Variants in CNTNAP5 observed in about 807,000 individuals in gnomAD.
CNTNAP5 encodes the protein contactin-associated protein-like 5.
CNTNAP5 carries 72 observed loss-of-function variants against 150.2 expected under a neutral mutation model. That is an observed-to-expected ratio of 0.48 (90% CI 0.40 to 0.58). The LOEUF (loss-of-function observed/expected upper bound fraction) is 0.58. Ranked by LOEUF, CNTNAP5 falls within the 20% of genes least tolerant of loss-of-function variation. The pLI, the probability that CNTNAP5 is intolerant of heterozygous loss-of-function variation, is 0.00. For missense variants in CNTNAP5, 1,636 were observed against 1,626.2 expected, an observed-to-expected ratio of 1.01 and a Z score of -0.10; for synonymous variants, 672 against 619.8, an observed-to-expected ratio of 1.08 and a Z score of -1.25.
intron 1 of CNTNAP5, among the ~76,000 whole-genome samples, chr2:124,108,433 T>C (rs1683216022): frequency 6.6e-6 from 1 of 152,196 alleles, no homozygotes; most frequent in Non-Finnish European, 1.5e-5. Flanking sequence ...GGACCATCAA[T>C]AGAAGACGAG....
chr2:124,462,392 G>C (rs978429635), intron 6 of CNTNAP5, among the ~76,000 whole-genome samples: 3 of 152,084 alleles, frequency 2.0e-5, no homozygotes, highest in Non-Finnish European at 4.4e-5. Context: ...ATTTCTTCAA[G>C]TTTTATGTGA....
At chr2:124,620,522 G>A (rs905973386) in intron 12 of CNTNAP5, among the ~76,000 whole-genome samples, 1 of 152,088 alleles carries the variant, frequency 6.6e-6, no homozygotes, top group Admixed American at 6.6e-5. Context: ...ATGATTTGGA[G>A]TCACACTGGA....
rs575941942 is a variant in CNTNAP5, at chr2:124,764,226, T to A, written c.2533+79T>A. On this transcript the variant is annotated intron_variant, in intron 16 of 23. Coordinates refer to ENST00000682447, the MANE Select transcript of CNTNAP5 (RefSeq NM_001367498.1). ...TCTTGTTTTTGCCACCAGTCACTAGTGGGCATTTGTACCAGCAAATTAATC... is the reference window on the plus strand; with the variant it reads ...TCTTGTTTTTGCCACCAGTCACTAGAGGGCATTTGTACCAGCAAATTAATC... 2.7e-6 allele frequency: 3 copies of A among 1,106,616 alleles called. No homozygotes were observed. In the East Asian group the frequency reaches 7.1e-5, roughly 26 times the overall value. 68.5% of individuals were successfully genotyped at this position (1,106,616 alleles called of 1,614,324 possible).
intron 11 of CNTNAP5, among the ~76,000 whole-genome samples, chr2:124,593,149 T>C (rs1696739215): frequency 6.7e-6 from 1 of 149,358 alleles, no homozygotes; most frequent in African/African-American, 2.4e-5. Context: ...ATTTTTTTAA[T>C]TATACTTTAA....
At chr2:124,411,224 T>G (rs1461967784) in intron 3 of CNTNAP5, among the ~76,000 whole-genome samples, 5 of 152,122 alleles carry the variant, frequency 3.3e-5, no homozygotes, top group Admixed American at 3.3e-4. Flanking sequence ...GCTGAAATTG[T>G]GGCAATAATC....
chr2:124,697,688 A>G (rs1993273), intron 13 of CNTNAP5, among the ~76,000 whole-genome samples: 61,758 of 151,416 alleles, frequency 0.41, 13,363 homozygotes, highest in African/African-American at 0.48. Flanking sequence ...AGACTTCTTC[A>G]TGCAGGAGTG....
intron 10 of CNTNAP5, among the ~76,000 whole-genome samples, chr2:124,538,252 C>A (rs923751453): frequency 1.3e-5 from 2 of 152,068 alleles, no homozygotes; most frequent in African/African-American, 4.8e-5. Context: ...TTTGGGAAAC[C>A]CAGTTTGGTG....
At chr2:124,628,694 G>A (rs948180874) in intron 12 of CNTNAP5, among the ~76,000 whole-genome samples, 3 of 151,924 alleles carry the variant, frequency 2.0e-5, no homozygotes, top group African/African-American at 4.8e-5. Flanking sequence ...ATCATGACAG[G>A]GTCAAATTCA....
At chr2:124,490,578 A>G (rs1693997541) in intron 7 of CNTNAP5, among the ~76,000 whole-genome samples, 1 of 152,102 alleles carries the variant, frequency 6.6e-6, no homozygotes, top group Non-Finnish European at 1.5e-5. Flanking sequence ...CTTAGTGTCA[A>G]AATTGGCAAA....
chr2:124,895,147 C>A (rs991393914), intron 21 of CNTNAP5, among the ~76,000 whole-genome samples: 2 of 151,276 alleles, frequency 1.3e-5, no homozygotes, highest in Non-Finnish European at 2.9e-5. Context: ...ATTTTTTTTA[C>A]TTCTTGTATC....
chr2:124,406,042 A>G (rs2104763353), intron 3 of CNTNAP5, among the ~76,000 whole-genome samples: 1 of 152,344 alleles, frequency 6.6e-6, no homozygotes, highest in South Asian at 2.1e-4. Flanking sequence ...TTTTATCACC[A>G]TGCAATTCAA....
In CNTNAP5 at chr2:124,747,327, G is replaced by A; in HGVS notation, c.2176G>A (p.Asp726Asn). Residue 726 changes from aspartate (D) to asparagine (N), a missense_variant, in exon 14 of 24, where the codon GAC (aspartate) becomes AAC (asparagine). Physicochemically the swap from Asp to Asn is conservative, Grantham distance 23. Transcript: ENST00000682447. ...PGVQQCECGL[D>N]ESCLDIQHFC... ...GGTCCAGCAGTGTGAGTGTGGCCTA[G>A]ACGAGAGCTGCCTGGACATTCAGCA... 6.2e-7 allele frequency: 1 copy of A among 1,613,850 alleles called. No individual in the cohort carries two copies. Among genetic ancestry groups the A allele is most frequent in the Admixed American group, 1.7e-5 (1 of 60,014 alleles).
Position 124,504,528 on chromosome 2 carries a change from G to A in CNTNAP5, c.1299G>A (p.Met433Ile), listed in dbSNP as rs1331311057. 3.7e-6 allele frequency: 6 copies of A among 1,613,654 alleles called. No homozygotes were observed. The African/African-American group carries it at 4.0e-5, about 11-fold the overall frequency. ...TCCTGAGACTCGTGATTCAGAAAAT[G>A]ACAGAACGCGTAGCTGAAATCCTCA... ...GGILRLVIQK[M>I]TERVAEILTG... Residue 433 changes from methionine to isoleucine, a missense_variant, in exon 8 of 24, where the codon ATG becomes ATA. Transcript: ENST00000682447.
In CNTNAP5 at chr2:124,527,126, C is replaced by T. The variant is rs80237151; in HGVS notation, c.1478-159C>T. On this transcript the variant is annotated intron_variant, in intron 9 of 23. Transcript: ENST00000682447. ...CCCTATTTTGTACCAATTCTGTCCCCTCCCTGAGAATGCTAGGATTTATAA... is the reference window on the plus strand; with the variant it reads ...CCCTATTTTGTACCAATTCTGTCCCTTCCCTGAGAATGCTAGGATTTATAA... Among the ~76,000 whole-genome samples the T allele has an allele frequency of 2.0e-4, 31 of 152,228 alleles. No individual in the cohort carries two copies. The East Asian group carries it at 4.5e-3, about 22-fold the overall frequency.
At chr2:124,492,369 A>T (rs1694051548) in intron 7 of CNTNAP5, among the ~76,000 whole-genome samples, 1 of 152,120 alleles carries the variant, frequency 6.6e-6, no homozygotes, top group Admixed American at 6.6e-5. Flanking sequence ...GGTTGAAGAG[A>T]CTATTCTTTC....
At chr2:124,882,090 G>A (rs773535300) in intron 21 of CNTNAP5, among the ~76,000 whole-genome samples, 7 of 152,058 alleles carry the variant, frequency 4.6e-5, no homozygotes, top group Non-Finnish European at 1.0e-4. Flanking sequence ...TGTCGCCTAA[G>A]CCACACTCAG....
Position 124,381,901 on chromosome 2 carries a change from C to T in CNTNAP5, c.382-35542C>T, listed in dbSNP as rs532057238. On this transcript the variant is annotated intron_variant, in intron 3 of 23. Coordinates refer to ENST00000682447, the MANE Select transcript of CNTNAP5 (RefSeq NM_001367498.1). Reference sequence around the variant, plus strand: ...CAATTAAAAACAAGAAGGGAAGAGGCGTGAAGCAAACTGAGAGAGACAGTG... The same window carrying T: ...CAATTAAAAACAAGAAGGGAAGAGGTGTGAAGCAAACTGAGAGAGACAGTG... Among the ~76,000 whole-genome samples the T allele has an allele frequency of 5.3e-5, 8 of 151,852 alleles. No homozygotes were observed. The East Asian group carries it at 7.8e-4, about 15-fold the overall frequency.
intron 10 of CNTNAP5, among the ~76,000 whole-genome samples, chr2:124,534,398 T>A (rs1259422185): frequency 6.6e-6 from 1 of 152,220 alleles, no homozygotes; most frequent in African/African-American, 2.4e-5. Flanking sequence ...TCATAGTTAT[T>A]TCTTGATTAT....
chr2:124,689,589 C>A (rs1322291281), intron 13 of CNTNAP5, among the ~76,000 whole-genome samples: 3 of 151,932 alleles, frequency 2.0e-5, no homozygotes, highest in East Asian at 3.9e-4. Context: ...GTGTTTATAT[C>A]TGTGTATATG....
Sources: allele counts gnomAD v4.1 joint callset (sites outside exome capture counted in the v4.1 genomes callset), GRCh38; gene constraint gnomAD v4.1.1; transcripts MANE v1.5; gene names NCBI Gene and HGNC (gene_info 2026-07-23, HGNC 2026-07-21).